The following RAPGEF5 variants were observed in gnomAD, a reference collection of about 807,000 sequenced individuals.
RAPGEF5 encodes Rap guanine nucleotide exchange factor 5.
Under a neutral mutation model 125.2 loss-of-function variants are expected in RAPGEF5, and 65 were observed. The observed-to-expected ratio is 0.52, with a 90% CI of 0.43 to 0.64. RAPGEF5 has a LOEUF of 0.64. Among genes scored for constraint, RAPGEF5 ranks in the 30% least tolerant of loss-of-function variants. The pLI is 0.00. For synonymous variants in RAPGEF5, 391 were observed against 385.9 expected (o/e 1.01, Z -0.16); for missense variants, 958 against 1,048.1 (o/e 0.91, Z 1.19).
At position 22,247,952 on chromosome 7, in the gene RAPGEF5, A is replaced by G. The variant is rs543484482; in HGVS notation, c.797-17033T>C. Among the ~76,000 whole-genome samples, 11 of 152,300 alleles carry G rather than the reference A, an allele frequency of 7.2e-5. No homozygotes were observed. The South Asian group carries it at 2.3e-3, about 32-fold the overall frequency. On this transcript the variant is annotated intron_variant, in intron 7 of 25. Transcript: ENST00000665637. ...TACTTATGGACAAAAAGATGGCAAC[A>G]ATAGACACTGTAGACTACTGGATGA...
intron 1 of RAPGEF5, among the ~76,000 whole-genome samples, chr7:22,322,361 G>A (rs911906788): frequency 3.3e-5 from 5 of 151,492 alleles, no homozygotes; most frequent in African/African-American, 1.2e-4. Context: ...TGCCCAAGCT[G>A]GTCTCAAACT....
intron 3 of RAPGEF5, among the ~76,000 whole-genome samples, chr7:22,310,940 G>A (rs1783454797): frequency 6.6e-6 from 1 of 151,978 alleles, no homozygotes; most frequent in Non-Finnish European, 1.5e-5. Flanking sequence ...GAGCCTCAGG[G>A]GGAAAACAAA....
At chr7:22,347,156 G>C (rs1784238482) in intron 1 of RAPGEF5, among the ~76,000 whole-genome samples, 1 of 151,602 alleles carries the variant, frequency 6.6e-6, no homozygotes, top group Non-Finnish European at 1.5e-5. Context: ...TTACAATTTT[G>C]GTTTCTTCCA....
intron 9 of RAPGEF5, among the ~76,000 whole-genome samples, chr7:22,197,062 T>TGAGCCAGGAGGA (rs1785164018): frequency 6.6e-6 from 1 of 152,020 alleles, no homozygotes; most frequent in Non-Finnish European, 1.5e-5. Flanking sequence ...ACTACCAAGA[T>TGAGCCAGGAGGA]GAGCCAGGAG....
intron 22 of RAPGEF5, 85 bp downstream of exon 22, chr7:22,136,848 C>CA: frequency 8.3e-7 from 1 of 1,198,760 alleles, no homozygotes; most frequent in Admixed American, 2.2e-5. Context: ...CGGTAGAGTA[C>CA]AAATACCACC....
chr7:22,147,154 C>A, intron 18 of RAPGEF5, 135 bp from the exon 19 acceptor site: 1 of 1,183,782 alleles, frequency 8.4e-7, no homozygotes, highest in Non-Finnish European at 1.2e-6. Flanking sequence ...TTTCCCTGGT[C>A]TGTTCACCTT....
chr7:22,338,374 T>C (rs539151977), intron 1 of RAPGEF5, among the ~76,000 whole-genome samples: 1 of 152,338 alleles, frequency 6.6e-6, no homozygotes, highest in African/African-American at 2.4e-5. Context: ...TTCTATATCT[T>C]TGCACTCCCC....
chr7:22,290,113 G>A lies in RAPGEF5; in HGVS notation c.747+1062C>T, dbSNP rs182939406. 4.6e-4 allele frequency among the ~76,000 whole-genome samples: 70 copies of A among 152,242 alleles called. 2 individuals are homozygous for A. Among genetic ancestry groups the A allele is most frequent in the African/African-American group, 1.6e-3 (65 of 41,538 alleles). On this transcript the variant is annotated intron_variant, in intron 6 of 25. Coordinates refer to ENST00000665637, the MANE Select transcript of RAPGEF5 (RefSeq NM_012294.5). ...TCTAAGCTGCATTCCAGAAGAGTAG[G>A]AAAGACACTTTCAATCTTCAAGCTG... is the stretch of plus-strand genomic sequence containing the variant.
intron 1 of RAPGEF5, among the ~76,000 whole-genome samples, chr7:22,321,933 A>C (rs958898046): frequency 6.6e-6 from 1 of 152,082 alleles, no homozygotes; most frequent in Non-Finnish European, 1.5e-5. Context: ...ATCTCAACCA[A>C]AGCTTGGTCA....
intron 1 of RAPGEF5, among the ~76,000 whole-genome samples, chr7:22,348,807 T>A (rs904101338): frequency 6.6e-6 from 1 of 152,168 alleles, no homozygotes; most frequent in Non-Finnish European, 1.5e-5. Flanking sequence ...AAGTGATGGA[T>A]TGGGTACGGT....
intron 8 of RAPGEF5, among the ~76,000 whole-genome samples, chr7:22,220,951 T>C (rs548278545): frequency 9.9e-5 from 15 of 152,274 alleles, no homozygotes; most frequent in African/African-American, 3.4e-4. Flanking sequence ...GAATCCAAAC[T>C]TCATGATCTT....
At chr7:22,307,411 C>T (rs576979502) in intron 5 of RAPGEF5, among the ~76,000 whole-genome samples, 16 of 152,150 alleles carry the variant, frequency 1.1e-4, no homozygotes, top group South Asian at 2.1e-4. Context: ...GAACTATAAC[C>T]GGGTATTATG....
Position 22,122,127 on chromosome 7 carries a change from T to A in RAPGEF5, c.*279A>T, listed in dbSNP as rs1379112769. The A allele has an allele frequency of 2.8e-6, 1 of 357,942 alleles. No individual in the cohort carries two copies. The highest frequency in any genetic ancestry group is 5.2e-6 in the Non-Finnish European group (1 of 190,676). 22.2% of individuals were successfully genotyped at this position (357,942 alleles called of 1,614,324 possible). A position where few individuals can be genotyped will look rare whatever the true frequency, so the allele number is the denominator to read the frequency against. On this transcript the variant is annotated 3_prime_UTR_variant, in exon 26 of 26. Coordinates refer to ENST00000665637, the MANE Select transcript of RAPGEF5 (RefSeq NM_012294.5). ...ATCTCATATTGAAAACTGGACTGGA[T>A]CAACAATGTGATCATAAGAAACCAG...
At chr7:22,291,951 A>G (rs1337702129) in intron 5 of RAPGEF5, among the ~76,000 whole-genome samples, 1 of 152,256 alleles carries the variant, frequency 6.6e-6, no homozygotes. Flanking sequence ...AAAATTATCT[A>G]CTTCTTAAGA....
intron 11 of RAPGEF5, among the ~76,000 whole-genome samples, chr7:22,184,806 TGAGAATA>T (rs531141974): frequency 3.3e-5 from 5 of 152,312 alleles, no homozygotes; most frequent in Admixed American, 3.3e-4. Context: ...TCAAAGGTGG[TGAGAATA>T]GATTAACCCA....
intron 6 of RAPGEF5, among the ~76,000 whole-genome samples, chr7:22,284,477 G>T (rs1158396334): frequency 2.0e-5 from 3 of 152,162 alleles, no homozygotes; most frequent in Non-Finnish European, 4.4e-5. Context: ...CTTGGAACTA[G>T]ATCCGTCTTC....
intron 6 of RAPGEF5, among the ~76,000 whole-genome samples, chr7:22,282,776 G>GCATTAATGCAGGATAATT (rs1412653399): frequency 6.6e-6 from 1 of 152,160 alleles, no homozygotes. Context: ...GCAGGATAAT[G>GCATTAATGCAGGATAATT]CATTAACAAC....
intron 8 of RAPGEF5, among the ~76,000 whole-genome samples, chr7:22,228,794 C>T (rs918578745): frequency 1.3e-4 from 19 of 151,710 alleles, no homozygotes; most frequent in Admixed American, 2.6e-4. Context: ...ATTACGGGTG[C>T]GAGCCACCAC....
chr7:22,340,614 T>A (rs1442076033), intron 1 of RAPGEF5, among the ~76,000 whole-genome samples: 1 of 152,244 alleles, frequency 6.6e-6, no homozygotes, highest in African/African-American at 2.4e-5. Context: ...TTCCTGTATG[T>A]CTGGGTCCCC....
Sources: gnomAD v4.1 joint callset for allele counts (sites outside exome capture counted in the v4.1 genomes callset) on GRCh38, gnomAD v4.1.1 for gene constraint, MANE v1.5 for transcripts, NCBI Gene and HGNC (gene_info 2026-07-23, HGNC 2026-07-21) for gene names.